The following NEK7 variants were observed in gnomAD, a reference collection of about 807,000 sequenced individuals.
The protein encoded by NEK7 is serine/threonine-protein kinase Nek7.
NEK7 carries 18 observed loss-of-function variants against 44.6 expected under a neutral mutation model. The observed-to-expected ratio is 0.40, with a 90% CI of 0.28 to 0.60. The LOEUF (loss-of-function observed/expected upper bound fraction) is 0.60. Ranked by LOEUF, NEK7 falls within the 20% of genes least tolerant of loss-of-function variation. NEK7 has a pLI of 0.38. For missense variants in NEK7, 256 were observed against 366.5 expected, an observed-to-expected ratio of 0.70 and a Z score of 2.46; for synonymous variants, 130 against 121.1, an observed-to-expected ratio of 1.07 and a Z score of -0.48.
intron 2 of NEK7, among the ~76,000 whole-genome samples, chr1:198,251,550 C>G (rs537206644): frequency 3.4e-4 from 51 of 152,162 alleles, no homozygotes; most frequent in African/African-American, 1.2e-3. Context: ...GCCACAATTT[C>G]AGAGCTGTTA....
chr1:198,227,052 T>C (rs1352187624), intron 1 of NEK7, among the ~76,000 whole-genome samples: 1 of 152,092 alleles, frequency 6.6e-6, no homozygotes, highest in Non-Finnish European at 1.5e-5. Context: ...CAGTGTGTGA[T>C]GTTCCCCTTC....
chr1:198,303,196 A>G (rs1441081867), intron 9 of NEK7, among the ~76,000 whole-genome samples: 2 of 152,158 alleles, frequency 1.3e-5, no homozygotes, highest in Non-Finnish European at 2.9e-5. Context: ...TGAAAAACCA[A>G]GCATATATCT....
intron 5 of NEK7, among the ~76,000 whole-genome samples, chr1:198,273,664 G>A (rs1257428004): frequency 1.3e-5 from 2 of 151,648 alleles, no homozygotes; most frequent in African/African-American, 4.8e-5. Context: ...CTAACTGCTT[G>A]TCATCTCATG....
At chr1:198,198,874 A>G (rs564616135) in intron 1 of NEK7, among the ~76,000 whole-genome samples, 219 of 152,366 alleles carry the variant, frequency 1.4e-3, no homozygotes, top group Non-Finnish European at 2.4e-3. Context: ...CAGATGCCTG[A>G]GATATTTCAC....
intron 7 of NEK7, among the ~76,000 whole-genome samples, chr1:198,291,547 A>G (rs544200058): frequency 5.9e-5 from 9 of 152,324 alleles, no homozygotes; most frequent in East Asian, 1.9e-4. Flanking sequence ...AAATGCTACA[A>G]TTAAATAATT....
At chr1:198,175,169 T>C (rs1329553223) in intron 1 of NEK7, among the ~76,000 whole-genome samples, 1 of 152,068 alleles carries the variant, frequency 6.6e-6, no homozygotes, top group Non-Finnish European at 1.5e-5. Flanking sequence ...GTGTCTGTAA[T>C]AGAGTAGGTA....
At chr1:198,306,623 A>C (rs533710639) in intron 9 of NEK7, among the ~76,000 whole-genome samples, 1 of 152,352 alleles carries the variant, frequency 6.6e-6, no homozygotes, top group East Asian at 1.9e-4. Flanking sequence ...ATTCATTAAA[A>C]GAAGAAGGTG....
chr1:198,161,380 A>G (rs2102696107), intron 1 of NEK7, among the ~76,000 whole-genome samples: 1 of 152,324 alleles, frequency 6.6e-6, no homozygotes, highest in South Asian at 2.1e-4. Flanking sequence ...AGCCAAATAC[A>G]GTATCTGACC....
intron 1 of NEK7, among the ~76,000 whole-genome samples, chr1:198,169,787 G>A (rs1467932541): frequency 2.6e-5 from 4 of 152,156 alleles, no homozygotes; most frequent in African/African-American, 4.8e-5. Flanking sequence ...TCTTTAAGCC[G>A]TTAGTACTTA....
intron 1 of NEK7, among the ~76,000 whole-genome samples, chr1:198,199,562 C>G (rs1281072477): frequency 6.6e-6 from 1 of 151,638 alleles, no homozygotes; most frequent in African/African-American, 2.4e-5. Flanking sequence ...TTTCTGTTTG[C>G]TGCTGGAATT....
intron 1 of NEK7, among the ~76,000 whole-genome samples, chr1:198,190,985 T>C (rs72751009): frequency 0.046 from 7,019 of 152,158 alleles, 258 homozygotes; most frequent in Middle Eastern, 0.065. Context: ...ATATCATTTA[T>C]AGATTTTTTA....
intron 1 of NEK7, among the ~76,000 whole-genome samples, chr1:198,176,777 T>C (rs1174324647): frequency 6.6e-6 from 1 of 152,034 alleles, no homozygotes; most frequent in East Asian, 1.9e-4. Context: ...AAGTTTCTGG[T>C]ATGACCTAGG....
At chr1:198,285,256 G>A (rs547744121) in intron 7 of NEK7, among the ~76,000 whole-genome samples, 16 of 152,068 alleles carry the variant, frequency 1.1e-4, no homozygotes, top group Non-Finnish European at 2.1e-4. Context: ...AGAGGGGATT[G>A]CTCGTAATAG....
At chr1:198,169,385 A>G (rs1664365720) in intron 1 of NEK7, among the ~76,000 whole-genome samples, 1 of 152,208 alleles carries the variant, frequency 6.6e-6, no homozygotes, top group Non-Finnish European at 1.5e-5. Context: ...TCTTATCAAA[A>G]CAAATATCCA....
chr1:198,185,861 G>A (rs1236564888), intron 1 of NEK7, among the ~76,000 whole-genome samples: 1 of 152,160 alleles, frequency 6.6e-6, no homozygotes, highest in Non-Finnish European at 1.5e-5. Flanking sequence ...ATTGGTGATT[G>A]GTTGCTGGTT....
intron 5 of NEK7, among the ~76,000 whole-genome samples, chr1:198,275,893 C>T (rs546415574): frequency 3.4e-4 from 51 of 151,272 alleles, no homozygotes; most frequent in African/African-American, 1.2e-3. Flanking sequence ...GTTTAAAAAC[C>T]ACATATGTTT....
chr1:198,268,253 C>T (rs752658158), intron 5 of NEK7, among the ~76,000 whole-genome samples: 8 of 151,660 alleles, frequency 5.3e-5, no homozygotes, highest in Non-Finnish European at 1.2e-4. Context: ...TAGCATGGAG[C>T]GCTCTTTAAA....
chr1:198,247,304 A>G (rs572986019), intron 2 of NEK7, among the ~76,000 whole-genome samples: 1 of 152,126 alleles, frequency 6.6e-6, no homozygotes, highest in Non-Finnish European at 1.5e-5. Context: ...AACATTGAAA[A>G]TATCTGTGGA....
rs116363789 is a variant in NEK7 at position 198,183,533 on chromosome 1, T to C, written c.-29+26257T>C. On this transcript the variant is annotated intron_variant, in intron 1 of 9. Coordinates refer to ENST00000367385, the MANE Select transcript of NEK7 (RefSeq NM_133494.3). ...ATTATGCATGCTGACCCTCTAAATA[T>C]TATACTTTGAAATGTTTCTGACTTA... 4.2e-4 allele frequency among the ~76,000 whole-genome samples: 64 copies of C among 152,334 alleles called. 1 individual carries two copies. In the Middle Eastern group the frequency reaches 0.014, roughly 32 times the overall value.
Sources: gnomAD v4.1 joint callset for allele counts (sites outside exome capture counted in the v4.1 genomes callset) on GRCh38, gnomAD v4.1.1 for gene constraint, MANE v1.5 for transcripts, NCBI Gene and HGNC (gene_info 2026-07-23, HGNC 2026-07-21) for gene names.